BCL11B: variants seen among roughly 807,000 people sequenced by gnomAD.
BCL11B encodes the protein B-cell lymphoma/leukemia 11B.
Under a neutral mutation model 49.9 loss-of-function variants are expected in BCL11B, and 8 were observed. The observed-to-expected ratio is 0.16, with a 90% CI of 0.09 to 0.29. The LOEUF is 0.29. Among genes scored for constraint, BCL11B ranks in the 10% least tolerant of loss-of-function variants. The pLI is 1.00. For synonymous variants in BCL11B, 739 were observed against 637.4 expected (o/e 1.16, Z -2.40); for missense variants, 1,006 against 1,351.0 (o/e 0.74, Z 4.00).
chr14:99,216,957 C>T (rs1298975785), intron 3 of BCL11B, among the ~76,000 whole-genome samples: 4 of 152,090 alleles, frequency 2.6e-5, no homozygotes, highest in African/African-American at 9.7e-5. Context: ...CACACATCTG[C>T]ACACACGTGT....
In BCL11B at chr14:99,173,619, A is replaced by G. The variant is rs796546180; in HGVS notation, c.*532T>C. On this transcript the variant is annotated 3_prime_UTR_variant, in exon 4 of 4. Coordinates refer to ENST00000357195, the MANE Select transcript of BCL11B (RefSeq NM_138576.4). ...GCCACTTTTTATTTCAGGACAAAAA[A>G]AAGGAAGGAATGAAAAAGTAAACAA... The G allele has an allele frequency of 4.7e-6, 1 of 213,844 alleles. No homozygotes were observed. The highest frequency in any genetic ancestry group is 9.5e-6 in the Non-Finnish European group (1 of 105,624). The allele number at this position is 213,844 out of a possible 1,614,324, so 13.2% of individuals were successfully genotyped here.
In BCL11B at chr14:99,184,192, G is replaced by T. The variant is rs577368089; in HGVS notation, c.641-7997C>A. ...CCCTCTCGGTGCCTCCCTTTGGGCA[G>T]CGCATTTTCACACCTCCATGCCCTT... On this transcript the variant is annotated intron_variant, in intron 3 of 3. Coordinates refer to ENST00000357195, the MANE Select transcript of BCL11B (RefSeq NM_138576.4). The surrounding 1 kb of genome is among the most constrained non-coding windows in gnomAD (Gnocchi z 6.1). 9.9e-5 allele frequency among the ~76,000 whole-genome samples: 15 copies of T among 152,246 alleles called. No homozygotes were observed. In the East Asian group the frequency reaches 2.9e-3, roughly 30 times the overall value.
In BCL11B at chr14:99,171,327, A is replaced by T. The variant is rs1247853078; in HGVS notation, c.*2824T>A. The T allele has an allele frequency of 4.5e-6, 1 of 224,632 alleles. No homozygotes were observed. Among genetic ancestry groups the T allele is most frequent in the African/African-American group, 2.2e-5 (1 of 44,850 alleles). 13.9% of individuals were successfully genotyped at this position (224,632 alleles called of 1,614,324 possible). A position where few individuals can be genotyped will look rare whatever the true frequency, so the allele number is the denominator to read the frequency against. On this transcript the variant is annotated 3_prime_UTR_variant, in exon 4 of 4. Coordinates refer to ENST00000357195, the MANE Select transcript of BCL11B (RefSeq NM_138576.4). ...TGTCAAACAACCCTTTTTCTCCTGT[A>T]CAATAGGACTTAACATACAAATGTG...
intron 2 of BCL11B, among the ~76,000 whole-genome samples, chr14:99,238,846 C>A (rs1888581816): frequency 6.6e-6 from 1 of 152,176 alleles, no homozygotes; most frequent in Non-Finnish European, 1.5e-5. Flanking sequence ...TGACCTCAGG[C>A]AGGCAGGGTC....
chr14:99,216,535 G>A (rs1887839123), intron 3 of BCL11B, among the ~76,000 whole-genome samples: 1 of 152,180 alleles, frequency 6.6e-6, no homozygotes. Context: ...TGGACTGTGG[G>A]CTCCCTCTGA....
chr14:99,250,682 G>A (rs1252649567), intron 2 of BCL11B, among the ~76,000 whole-genome samples: 1 of 152,142 alleles, frequency 6.6e-6, no homozygotes, highest in East Asian at 1.9e-4. Context: ...ACTATTTACT[G>A]TCAAATAGAC....
rs10553108 is a variant in BCL11B at position 99,192,869 on chromosome 14, G to GTGAA, written c.641-16678_641-16675dup. 9.8e-4 allele frequency among the ~76,000 whole-genome samples: 149 copies of GTGAA among 151,334 alleles called. No homozygotes were observed. The highest frequency in any genetic ancestry group is 3.0e-3 in the Admixed American group (45 of 15,248). ...TATTTAATGATCAAAATGTAAATGA[G>GTGAA]TGAATGAATGAATGAATGAATGAAT... On this transcript the variant is annotated intron_variant, in intron 3 of 3. Coordinates refer to ENST00000357195, the MANE Select transcript of BCL11B (RefSeq NM_138576.4). This position sits in a 1 kb window ranked among gnomAD's most constrained non-coding sequence, Gnocchi z 4.0.
rs935990489 is a variant in BCL11B at position 99,262,603 on chromosome 14, G to A, written c.59-4764C>T. ...TACAAGAAATGTTCAGCATCCATCC[G>A]CCCGAGCTCTGCATCCGACTGGAGA... is the stretch of plus-strand genomic sequence containing the variant. On this transcript the variant is annotated intron_variant, in intron 1 of 3. Transcript: ENST00000357195. This position sits in a 1 kb window ranked among gnomAD's most constrained non-coding sequence, Gnocchi z 4.2. 3.9e-5 allele frequency among the ~76,000 whole-genome samples: 6 copies of A among 152,096 alleles called. No homozygotes were observed. The highest frequency in any genetic ancestry group is 3.9e-4 in the East Asian group (2 of 5,184).
At position 99,241,987 on chromosome 14, in the gene BCL11B, T is replaced by C. The variant is rs1368290659; in HGVS notation, c.428-10430A>G. 6.6e-6 allele frequency among the ~76,000 whole-genome samples: 1 copy of C among 152,104 alleles called. No homozygotes were observed. Among genetic ancestry groups the C allele is most frequent in the African/African-American group, 2.4e-5 (1 of 41,400 alleles). ...TATTTAGCTGTGTTTAACGTGTCTG[T>C]CCTCCACTCGACTACAAGCCCACTT... On this transcript the variant is annotated intron_variant, in intron 2 of 3. Transcript: ENST00000357195. The surrounding 1 kb of genome is among the most constrained non-coding windows in gnomAD (Gnocchi z 4.4).
At chr14:99,197,834 G>C (rs995019385) in intron 3 of BCL11B, among the ~76,000 whole-genome samples, 10 of 152,088 alleles carry the variant, frequency 6.6e-5, no homozygotes, top group Non-Finnish European at 1.3e-4. Flanking sequence ...CCCCTTTCTG[G>C]GTCATGCACC....
chr14:99,257,764 C>T lies in BCL11B; in HGVS notation c.134G>A (p.Gly45Glu). 6.2e-7 allele frequency: 1 copy of T among 1,602,742 alleles called. No individual in the cohort carries two copies. Among genetic ancestry groups the T allele is most frequent in the South Asian group, 1.1e-5 (1 of 89,928 alleles). Reference sequence around the variant, plus strand: ...AGGGTCGGGGCCACCCACCATCAGCCCCAGGCCACTTGGCTCCTCTATCTC... The same window carrying T: ...AGGGTCGGGGCCACCCACCATCAGCTCCAGGCCACTTGGCTCCTCTATCTC... The part of the protein sequence containing the change: ...GLEIEEPSGL[G>E]LMVGGPDPDL... The change falls in exon 2 of 4, where the codon GGG (glycine) becomes GAG (glutamate). Residue 45 changes from glycine (G) to glutamate (E), a missense_variant. This residue lies in a region of BCL11B where 411 missense variants were observed against 542.2 expected (regional missense o/e 0.76). Coordinates refer to ENST00000357195, the MANE Select transcript of BCL11B (RefSeq NM_138576.4). The surrounding 1 kb of genome is among the most constrained non-coding windows in gnomAD (Gnocchi z 6.2).
At chr14:99,177,950 T>C (rs710305) in intron 3 of BCL11B, among the ~76,000 whole-genome samples, 19,594 of 152,118 alleles carry the variant, frequency 0.13, 1,627 homozygotes, top group African/African-American at 0.23. Flanking sequence ...GGGGACCAAA[T>C]ACCCTGAATT....
rs770129301 is a variant in BCL11B, at chr14:99,228,942, G to A, written c.640+2403C>T. On this transcript the variant is annotated intron_variant, in intron 3 of 3. Transcript: ENST00000357195. This position sits in a 1 kb window ranked among gnomAD's most constrained non-coding sequence, Gnocchi z 4.8. ...TGGATGGATGGATGGATGGATGAACGGATGGGTGGATGGATGGATGCATGG... is the reference window on the plus strand; with the variant it reads ...TGGATGGATGGATGGATGGATGAACAGATGGGTGGATGGATGGATGCATGG... Among the ~76,000 whole-genome samples, 10 of 152,032 alleles carry A rather than the reference G, an allele frequency of 6.6e-5. No homozygotes were observed. Among genetic ancestry groups the A allele is most frequent in the East Asian group, 5.8e-4 (3 of 5,184 alleles).
chr14:99,194,187 G>A lies in BCL11B; in HGVS notation c.641-17992C>T, dbSNP rs1007405978. On this transcript the variant is annotated intron_variant, in intron 3 of 3. Coordinates refer to ENST00000357195, the MANE Select transcript of BCL11B (RefSeq NM_138576.4). This position sits in a 1 kb window ranked among gnomAD's most constrained non-coding sequence, Gnocchi z 4.6. ...GGAAGCTCAGGGCAGGTGACAGGGCGACCACCTGGACACCTGTCCTCCCTC... is the reference window on the plus strand; with the variant it reads ...GGAAGCTCAGGGCAGGTGACAGGGCAACCACCTGGACACCTGTCCTCCCTC... 5.3e-5 allele frequency among the ~76,000 whole-genome samples: 8 copies of A among 152,210 alleles called. No individual in the cohort carries two copies. The highest frequency in any genetic ancestry group is 4.2e-4 in the South Asian group (2 of 4,816).
At position 99,231,462 on chromosome 14, in the gene BCL11B, C is replaced by A; in HGVS notation, c.523G>T (p.Gly175Cys). The change falls in exon 3 of 4, where the codon GGC (glycine) becomes TGC (cysteine). Residue 175 changes from glycine (G) to cysteine (C), a missense_variant. Physicochemically the swap from Gly to Cys is radical, Grantham distance 159. Around this residue, in one of 6 missense-constraint regions of BCL11B, gnomAD observed 411 missense variants for 542.2 expected, o/e 0.76. Coordinates refer to ENST00000357195, the MANE Select transcript of BCL11B (RefSeq NM_138576.4). The surrounding 1 kb of genome is among the most constrained non-coding windows in gnomAD (Gnocchi z 8.1). ...AGGGGGAGGCAGGGCGGGAGAGCGCCCAGGGCACGCAGAGGTGAAGTGATC... is the reference window on the plus strand; with the variant it reads ...AGGGGGAGGCAGGGCGGGAGAGCGCACAGGGCACGCAGAGGTGAAGTGATC... ...SVITSPLRAL[G>C]ALPPCLPLPC... is the part of the protein sequence containing the mutation. 1 of 1,598,730 alleles carries A rather than the reference C, an allele frequency of 6.3e-7. No individual in the cohort carries two copies. The highest frequency in any genetic ancestry group is 1.7e-4 in the Middle Eastern group (1 of 5,826).
In BCL11B at chr14:99,206,280, G is replaced by A. The variant is rs568326262; in HGVS notation, c.640+25065C>T. Among the ~76,000 whole-genome samples, 23 of 152,316 alleles carry A rather than the reference G, an allele frequency of 1.5e-4. No individual in the cohort carries two copies. In the Middle Eastern group the frequency reaches 0.01, roughly 68 times the overall value. The stretch of plus-strand genomic sequence containing the variant: ...TTTTATTGAAACAACAGCCACACCT[G>A]TTCATTAATAGTCCACGGGTACTCT... On this transcript the variant is annotated intron_variant, in intron 3 of 3. Transcript: ENST00000357195.
rs1048521286 is a variant in BCL11B at position 99,271,985 on chromosome 14, C to T, written c.-767G>A. 6.6e-6 allele frequency among the ~76,000 whole-genome samples: 1 copy of T among 152,008 alleles called. No individual in the cohort carries two copies. Among genetic ancestry groups the T allele is most frequent in the Non-Finnish European group, 1.5e-5 (1 of 68,000 alleles). On this transcript the variant is annotated 5_prime_UTR_variant, in exon 1 of 4. Coordinates refer to ENST00000357195, the MANE Select transcript of BCL11B (RefSeq NM_138576.4). Reference sequence around the variant, plus strand: ...CACCAGGAGAGGCTCCTTCCCAGTTCACCTGGCAGGCTGGCGCCGGCCGGA... The same window carrying T: ...CACCAGGAGAGGCTCCTTCCCAGTTTACCTGGCAGGCTGGCGCCGGCCGGA...
chr14:99,179,473 TA>T (rs35703913), intron 3 of BCL11B, among the ~76,000 whole-genome samples: 18,326 of 54,236 alleles, frequency 0.34, 1,556 homozygotes, highest in Admixed American at 0.4. Context: ...GAATCCATCT[TA>T]AAAAAAAAAA....
chr14:99,194,234 A>C lies in BCL11B; in HGVS notation c.641-18039T>G, dbSNP rs951219110. On this transcript the variant is annotated intron_variant, in intron 3 of 3. Transcript: ENST00000357195. This position sits in a 1 kb window ranked among gnomAD's most constrained non-coding sequence, Gnocchi z 4.6. ...CCTCCTCACAGCCCCAGCACAGAGC[A>C]AGTGCTGCTGGCCCCGGACTGTCCC... Among the ~76,000 whole-genome samples, 1 of 152,066 alleles carries C rather than the reference A, an allele frequency of 6.6e-6. No individual in the cohort carries two copies. The highest frequency in any genetic ancestry group is 1.5e-5 in the Non-Finnish European group (1 of 68,012).
Sources: allele counts gnomAD v4.1 joint callset (sites outside exome capture counted in the v4.1 genomes callset), GRCh38; gene constraint gnomAD v4.1.1; regional missense constraint gnomAD v4.1.1; non-coding constraint Gnocchi (gnomAD v3.1); transcripts MANE v1.5; gene names NCBI Gene and HGNC (gene_info 2026-07-23, HGNC 2026-07-21).